Variants in HTR3D observed in about 807,000 individuals in gnomAD.
HTR3D encodes the protein 5-hydroxytryptamine (serotonin) receptor 3 family member D.
A neutral mutation model predicts 45.8 loss-of-function variants in HTR3D; 47 were observed. The ratio of observed to expected loss-of-function variants is 1.03; its 90% CI spans 0.81 to 1.31. The LOEUF (loss-of-function observed/expected upper bound fraction) is 1.31. Among genes scored for constraint, HTR3D ranks in the 50% most tolerant of loss-of-function variants. The pLI is 0.00. For missense variants in HTR3D, 448 were observed against 506.9 expected (o/e 0.88, Z 1.12); for synonymous variants, 203 against 199.8 (o/e 1.02, Z -0.13).
At position 184,038,835 on chromosome 3, in the gene HTR3D, C is replaced by A. The variant is rs377258381; in HGVS notation, c.1075C>A (p.Arg359=). 3.1e-6 allele frequency: 5 copies of A among 1,614,042 alleles called. No individual in the cohort carries two copies. The highest frequency in any genetic ancestry group is 4.2e-6 in the Non-Finnish European group (5 of 1,179,970). ...GGGCTCAGAATGGACAAGGGCCCAG[C>A]GGGAACACGAGGCCCAGAAGCAGCA... ...TGGSEWTRAQ[R]EHEAQKQHSV... is the part of the protein sequence containing the mutation. The change falls in exon 8 of 8, where the codon CGG becomes AGG. Residue 359 remains arginine (R), a synonymous_variant. Coordinates refer to ENST00000428798, the MANE Select transcript of HTR3D (RefSeq NM_001145143.1). The surrounding 1 kb of genome is among the most constrained non-coding windows in gnomAD (Gnocchi z 4.5).
At position 184,038,081 on chromosome 3, in the gene HTR3D, G is replaced by T; in HGVS notation, c.577G>T (p.Gly193Cys). 1 of 1,614,098 alleles carries T rather than the reference G, an allele frequency of 6.2e-7. No individual in the cohort carries two copies. ...CGTGGTAAACTTTCTGGTGCCCAGT[G>T]GCATTCTGATTGCCATCGATGCCCT... ...PYVVNFLVPS[G>C]ILIAIDALSF... is the part of the protein sequence containing the mutation. The change falls in exon 6 of 8, where the codon GGC becomes TGC. Residue 193 changes from glycine (G) to cysteine (C), a missense_variant. Physicochemically the swap from Gly to Cys is radical, Grantham distance 159. Coordinates refer to ENST00000428798, the MANE Select transcript of HTR3D (RefSeq NM_001145143.1). The surrounding 1 kb of genome is among the most constrained non-coding windows in gnomAD (Gnocchi z 4.5).
intron 1 of HTR3D, chr3:184,034,954 T>C (rs576313483): frequency 1.9e-6 from 2 of 1,034,544 alleles, no homozygotes; most frequent in East Asian, 5.6e-5. Context: ...TCTGTTCTTT[T>C]TGGAATACTT....
rs1219948805 is a variant in HTR3D, at chr3:184,031,762, T to C, written c.21T>C (p.His7=). The change falls in exon 1 of 8, where the codon CAT becomes CAC. Residue 7 remains histidine, a synonymous_variant. Coordinates refer to ENST00000428798, the MANE Select transcript of HTR3D (RefSeq NM_001145143.1). The stretch of plus-strand genomic sequence containing the variant: ...GGAAGATGGAAAGAGGCTGGTTCCA[T>C]GGGAAAGGATTCCTCCTTGGCTTCA... MERGWF[H]GKGFLLGFIL... The C allele has an allele frequency of 4.5e-6, 7 of 1,551,476 alleles. No individual in the cohort carries two copies. The highest frequency in any genetic ancestry group is 4.9e-5 in the East Asian group (2 of 40,900).
chr3:184,034,921 TA>T, intron 1 of HTR3D: 1 of 633,102 alleles, frequency 1.6e-6, no homozygotes, highest in Non-Finnish European at 2.5e-6. Context: ...AGAAATGCTG[TA>T]ATGACATTAC....
At chr3:184,032,660 A>C (rs778251101) in intron 1 of HTR3D, among the ~76,000 whole-genome samples, 1 of 152,158 alleles carries the variant, frequency 6.6e-6, no homozygotes, top group Non-Finnish European at 1.5e-5. Flanking sequence ...TTGAGTTTGC[A>C]TACACATCTG....
chr3:184,038,094 C>G lies in HTR3D; in HGVS notation c.590C>G (p.Ala197Gly). ...NFLVPSGILI[A>G]IDALSFYLPL... ...CTGGTGCCCAGTGGCATTCTGATTG[C>G]CATCGATGCCCTCAGTTTCTACCTG... The change falls in exon 6 of 8, where the codon GCC becomes GGC. Residue 197 changes from alanine (A) to glycine (G), a missense_variant. Transcript: ENST00000428798. The surrounding 1 kb of genome is among the most constrained non-coding windows in gnomAD (Gnocchi z 4.5). 6.2e-7 allele frequency: 1 copy of G among 1,614,150 alleles called. No homozygotes were observed. The highest frequency in any genetic ancestry group is 8.5e-7 in the Non-Finnish European group (1 of 1,180,022).
At chr3:184,032,731 C>A in intron 1 of HTR3D, 1 of 837,514 alleles carries the variant, frequency 1.2e-6, no homozygotes, top group South Asian at 1.7e-5. Context: ...CTCAGCTCAC[C>A]TCATCAGTTT....
intron 4 of HTR3D, 93 bp from the exon 5 acceptor site, chr3:184,036,655 A>G: frequency 6.4e-7 from 1 of 1,574,400 alleles, no homozygotes. Context: ...CCTGGAAGCT[A>G]AGCAGTGAGG....
chr3:184,035,947 C>T, intron 2 of HTR3D, 68 bp from the exon 3 acceptor site: 2 of 1,493,990 alleles, frequency 1.3e-6, no homozygotes, highest in Non-Finnish European at 1.8e-6. Flanking sequence ...CCCGCCTCAG[C>T]CTTCCAAAGT....
At chr3:184,035,928 A>T in intron 2 of HTR3D, 87 bp from the exon 3 acceptor site, 1 of 1,354,482 alleles carries the variant, frequency 7.4e-7, no homozygotes, top group Non-Finnish European at 1.0e-6. Context: ...CCTGACCTTC[A>T]GTGATCCCCC....
rs763266196 is a variant in HTR3D at position 184,036,524 on chromosome 3, C to T, written c.347C>T (p.Ala116Val). Residue 116 changes from alanine to valine, a missense_variant, in exon 4 of 8, where the codon GCC becomes GTC. Transcript: ENST00000428798. Reference sequence around the variant, plus strand: ...GACAGAGGTGAACGCTCTCCTTCAGCCCTTTCACCTACACAGGTAAGTGGG... The same window carrying T: ...GACAGAGGTGAACGCTCTCCTTCAGTCCTTTCACCTACACAGGTAAGTGGG... ...SMDRGERSPS[A>V]LSPTQVTRAW... 10 of 1,614,078 alleles carry T rather than the reference C, an allele frequency of 6.2e-6. No individual in the cohort carries two copies. In the Admixed American group the frequency reaches 1.3e-4, roughly 22 times the overall value.
At chr3:184,032,401 T>C (rs941089315) in intron 1 of HTR3D, among the ~76,000 whole-genome samples, 1 of 152,162 alleles carries the variant, frequency 6.6e-6, no homozygotes, top group Non-Finnish European at 1.5e-5. Context: ...AAACTGAAAT[T>C]GATTTGTTTC....
chr3:184,039,001 T>C lies in HTR3D; in HGVS notation c.*26T>C. The C allele has an allele frequency of 6.2e-7, 1 of 1,611,008 alleles. No homozygotes were observed. Among genetic ancestry groups the C allele is most frequent in the Non-Finnish European group, 8.5e-7 (1 of 1,177,744 alleles). ...GCAGGTGCTCACCTGCAAACTTCAG[T>C]CTGGACTTCTTTTTGCCAGAGAACT... On this transcript the variant is annotated 3_prime_UTR_variant, in exon 8 of 8. Coordinates refer to ENST00000428798, the MANE Select transcript of HTR3D (RefSeq NM_001145143.1).
intron 5 of HTR3D, 42 bp downstream of exon 5, chr3:184,036,938 G>T: frequency 6.5e-7 from 1 of 1,539,120 alleles, no homozygotes; most frequent in African/African-American, 1.4e-5. Flanking sequence ...ATGTTGGCCA[G>T]GCTGGTCTTG....
chr3:184,036,263 T>C, intron 3 of HTR3D, 112 bp from the exon 4 acceptor site: 2 of 1,506,734 alleles, frequency 1.3e-6, no homozygotes, highest in Non-Finnish European at 1.8e-6. Flanking sequence ...AGAGCAGTCA[T>C]CTGAGTGGGG....
intron 5 of HTR3D, 46 bp downstream of exon 5, chr3:184,036,942 G>C (rs1560074924): frequency 6.5e-7 from 1 of 1,529,538 alleles, no homozygotes; most frequent in Admixed American, 2.0e-5. Context: ...TGGCCAGGCT[G>C]GTCTTGAACT....
At chr3:184,031,946 C>T in intron 1 of HTR3D, 139 bp downstream of exon 1, 1 of 593,612 alleles carries the variant, frequency 1.7e-6, no homozygotes, top group Non-Finnish European at 3.0e-6. Flanking sequence ...ACACTGATGG[C>T]TTTGTACCTC....
chr3:184,033,720 C>A (rs1470302603), intron 1 of HTR3D, among the ~76,000 whole-genome samples: 2 of 151,844 alleles, frequency 1.3e-5, no homozygotes, highest in East Asian at 3.9e-4. Context: ...AGTTCAAGAC[C>A]AGCCTGACCA....
At chr3:184,037,893 A>G (rs1271469231) in intron 5 of HTR3D, 128 bp from the exon 6 acceptor site, 1 of 1,158,130 alleles carries the variant, frequency 8.6e-7, no homozygotes, top group East Asian at 2.5e-5. Context: ...CCGGATGCTG[A>G]AAGGGACGGG....
Sources: gnomAD v4.1 joint callset for allele counts (sites outside exome capture counted in the v4.1 genomes callset) on GRCh38, gnomAD v4.1.1 for gene constraint, Gnocchi (gnomAD v3.1) non-coding constraint, MANE v1.5 for transcripts, NCBI Gene and HGNC (gene_info 2026-07-23, HGNC 2026-07-21) for gene names.